Variants in TMLHE observed in about 807,000 individuals in gnomAD.
TMLHE encodes the protein trimethyllysine hydroxylase, epsilon.
Under a neutral mutation model 25.7 loss-of-function variants are expected in TMLHE, and 18 were observed. That is an observed-to-expected ratio of 0.70 (90% CI 0.48 to 1.04). The LOEUF (loss-of-function observed/expected upper bound fraction) is 1.04. Among genes scored for constraint, TMLHE ranks in the 50% least tolerant of loss-of-function variants. The pLI is 0.00. For synonymous variants in TMLHE, 105 were observed against 97.0 expected, an observed-to-expected ratio of 1.08 and a Z score of -0.49; for missense variants, 236 against 259.0, an observed-to-expected ratio of 0.91 and a Z score of 0.61.
Position 155,510,550 on chromosome X carries a change from C to T in TMLHE, c.758+1123G>A, listed in dbSNP as rs1364876413. 1.4e-3 allele frequency among the ~76,000 whole-genome samples: 153 copies of T among 108,453 alleles called. 1 individual carries two copies. The East Asian group carries it at 0.034, about 24-fold the overall frequency. 94.2% of individuals were successfully genotyped at this position (108,453 alleles called of 115,157 possible). A position where few individuals can be genotyped will look rare whatever the true frequency, so the allele number is the denominator to read the frequency against. ...TTGCTGAGAATGATGGTTTCCAGCT[C>T]CATCCATGTCCCTACAAAGGACATG... On this transcript the variant is annotated intron_variant, in intron 5 of 7. Coordinates refer to ENST00000334398, the MANE Select transcript of TMLHE (RefSeq NM_018196.4).
At chrX:155,583,331 G>T (rs2067643783) in intron 1 of TMLHE, among the ~76,000 whole-genome samples, 1 of 111,011 alleles carries the variant, frequency 9.0e-6, no homozygotes, top group Non-Finnish European at 1.9e-5. Flanking sequence ...TAAAAAAAAA[G>T]AAAAGAAGAA....
intron 1 of TMLHE, among the ~76,000 whole-genome samples, chrX:155,605,124 C>T (rs1417139966): frequency 2.7e-5 from 3 of 111,617 alleles, no homozygotes; most frequent in Non-Finnish European, 5.6e-5. Context: ...CATTTGAGAT[C>T]CATGAGAAAG....
chrX:155,578,968 G>A (rs1557344171), intron 1 of TMLHE, among the ~76,000 whole-genome samples: 1 of 111,964 alleles, frequency 8.9e-6, no homozygotes, highest in African/African-American at 3.2e-5. Flanking sequence ...CTATATGCCA[G>A]TAATTATCCA....
intron 1 of TMLHE, among the ~76,000 whole-genome samples, chrX:155,587,152 A>G (rs1353599266): frequency 2.7e-5 from 3 of 112,193 alleles, no homozygotes; most frequent in African/African-American, 9.7e-5. Context: ...CAGCACATCA[A>G]AAAGATAATA....
At chrX:155,553,273 A>C (rs782419987) in intron 1 of TMLHE, among the ~76,000 whole-genome samples, 2 of 110,197 alleles carry the variant, frequency 1.8e-5, no homozygotes, top group Non-Finnish European at 3.8e-5. Context: ...ATCAGTTACT[A>C]AGGGATATAT....
intron 1 of TMLHE, among the ~76,000 whole-genome samples, chrX:155,547,574 A>G (rs1172095345): frequency 4.5e-5 from 5 of 111,836 alleles, no homozygotes; most frequent in Non-Finnish European, 9.4e-5. Context: ...TATTTATAAT[A>G]GTTTTAAGCA....
intron 3 of TMLHE, among the ~76,000 whole-genome samples, chrX:155,522,664 C>T (rs1178107923): frequency 8.9e-6 from 1 of 112,118 alleles, no homozygotes; most frequent in Non-Finnish European, 1.9e-5. Flanking sequence ...GGCTTTTTCA[C>T]TTCAGCATAA....
At position 155,507,153 on chromosome X, in the gene TMLHE, A is replaced by C. The variant is rs199721209; in HGVS notation, c.759-19T>G. The C allele has an allele frequency of 7.7e-5, 86 of 1,113,218 alleles. No individual in the cohort carries two copies. The East Asian group carries it at 2.6e-3, about 33-fold the overall frequency. The allele number at this position is 1,113,218 out of a possible 1,213,427, so 91.7% of individuals were successfully genotyped here. The stretch of plus-strand genomic sequence containing the variant: ...TTGAATGCTAAAGAGAGAAAAGAAA[A>C]TTCTTCTGTTCAGTGGAAGAGAGAA... On this transcript the variant is annotated intron_variant, in intron 5 of 7. Coordinates refer to ENST00000334398, the MANE Select transcript of TMLHE (RefSeq NM_018196.4).
chrX:155,542,602 A>C (rs1557338336), intron 2 of TMLHE, among the ~76,000 whole-genome samples: 4 of 112,072 alleles, frequency 3.6e-5, no homozygotes, highest in Non-Finnish European at 7.5e-5. Flanking sequence ...CGCACTTCCC[A>C]ATTTCAAAAC....
chrX:155,554,463 G>A (rs782728126), intron 1 of TMLHE, among the ~76,000 whole-genome samples: 13 of 110,703 alleles, frequency 1.2e-4, no homozygotes, highest in East Asian at 2.8e-4. Context: ...TAGTTCTATC[G>A]TCTTCATGTT....
At chrX:155,602,842 T>G (rs1210753105) in intron 1 of TMLHE, among the ~76,000 whole-genome samples, 2 of 112,224 alleles carry the variant, frequency 1.8e-5, no homozygotes, top group Non-Finnish European at 3.8e-5. Flanking sequence ...TACCAAAAAT[T>G]AAATACTTGG....
chrX:155,607,561 C>A (rs1557347956), intron 1 of TMLHE, among the ~76,000 whole-genome samples: 1 of 110,067 alleles, frequency 9.1e-6, no homozygotes, highest in Admixed American at 9.7e-5. Flanking sequence ...TTGGCCAGAG[C>A]AATCAGGCAA....
chrX:155,578,770 G>T (rs1469889691), intron 1 of TMLHE, among the ~76,000 whole-genome samples: 1 of 110,687 alleles, frequency 9.0e-6, no homozygotes, highest in Non-Finnish European at 1.9e-5. Context: ...ATGGCTCTGG[G>T]GTTCAAGGAC....
rs1557340782 is a variant in TMLHE at position 155,556,199 on chromosome X, CTTCAGTCCTATGGTTACAAGGAA to C, written c.-1-10945_-1-10923del. 9.4e-4 allele frequency among the ~76,000 whole-genome samples: 105 copies of C among 111,740 alleles called. 1 individual carries two copies. The highest frequency in any genetic ancestry group is 3.4e-3 in the African/African-American group (102 of 29,977). ...CTGACATGCAGCAATGAAACAGGGA[CTTCAGTCCTATGGTTACAAGGAA>C]CTGAATTCAGCCAACCAGAAAGGAA... On this transcript the variant is annotated intron_variant, in intron 1 of 7. Coordinates refer to ENST00000334398, the MANE Select transcript of TMLHE (RefSeq NM_018196.4).
chrX:155,603,606 C>T (rs1210425698), intron 1 of TMLHE, among the ~76,000 whole-genome samples: 1 of 111,494 alleles, frequency 9.0e-6, no homozygotes, highest in African/African-American at 3.3e-5. Flanking sequence ...ATTGAGAGGT[C>T]GGATATAAAC....
At chrX:155,549,649 T>C (rs998950068) in intron 1 of TMLHE, among the ~76,000 whole-genome samples, 3 of 110,413 alleles carry the variant, frequency 2.7e-5, no homozygotes, top group Non-Finnish European at 5.7e-5. Flanking sequence ...GTATTTTGCA[T>C]CTAGATACAT....
intron 1 of TMLHE, among the ~76,000 whole-genome samples, chrX:155,555,467 T>C (rs1432719556): frequency 2.7e-5 from 3 of 110,721 alleles, no homozygotes; most frequent in Non-Finnish European, 5.7e-5. Context: ...TCTTCCACAA[T>C]GGTTGAACTA....
intron 6 of TMLHE, among the ~76,000 whole-genome samples, chrX:155,505,985 C>A (rs1191733299): frequency 9.0e-6 from 1 of 111,068 alleles, no homozygotes; most frequent in African/African-American, 3.3e-5. Flanking sequence ...CTCCAGAAAC[C>A]CAAAGCAGTT....
intron 1 of TMLHE, among the ~76,000 whole-genome samples, chrX:155,585,995 C>T (rs1041312168): frequency 5.4e-5 from 6 of 110,966 alleles, no homozygotes; most frequent in South Asian, 3.8e-4. Flanking sequence ...GAGGCCGAGG[C>T]GGGCGGATCA....
Sources: gnomAD v4.1 joint callset for allele counts (sites outside exome capture counted in the v4.1 genomes callset) on GRCh38, gnomAD v4.1.1 for gene constraint, MANE v1.5 for transcripts, NCBI Gene and HGNC (gene_info 2026-07-23, HGNC 2026-07-21) for gene names.